HMBOX1: variants seen among roughly 807,000 people sequenced by gnomAD.
HMBOX1 encodes the protein homeobox containing 1, also known as homeobox-containing protein 1.
Under a neutral mutation model 54.5 loss-of-function variants are expected in HMBOX1, and 14 were observed. The observed-to-expected ratio is 0.26, with a 90% CI of 0.17 to 0.40. The LOEUF is 0.40. HMBOX1 is among the 10% of genes least tolerant of loss of function. HMBOX1 has a pLI of 1.00. For missense variants in HMBOX1, 332 were observed against 514.4 expected (o/e 0.65, Z 3.43); for synonymous variants, 160 against 181.0 (o/e 0.88, Z 0.93).
chr8:28,893,492 A>C (rs897091688), intron 1 of HMBOX1, among the ~76,000 whole-genome samples: 8 of 152,188 alleles, frequency 5.3e-5, no homozygotes, highest in African/African-American at 1.9e-4. Context: ...TTTAGTGAAC[A>C]CTATGTATGG....
intron 5 of HMBOX1, among the ~76,000 whole-genome samples, chr8:29,013,474 T>G (rs13439532): frequency 0.032 from 4,856 of 152,240 alleles, 243 homozygotes; most frequent in African/African-American, 0.11. Context: ...GATCCAGTTG[T>G]ATATGGCTTT....
rs76838690 is a variant in HMBOX1, at chr8:28,894,717, A to T, written c.-58+4039A>T. On this transcript the variant is annotated intron_variant, in intron 1 of 9. Transcript: ENST00000287701. ...CAAACATAATCCAGTGCTTTAGATA[A>T]TTTGTTTTCCTTGACCTTAGATGAA... is the stretch of plus-strand genomic sequence containing the variant. Among the ~76,000 whole-genome samples the T allele has an allele frequency of 2.2e-3, 340 of 152,244 alleles. 3 individuals are homozygous for T. The highest frequency in any genetic ancestry group is 7.4e-3 in the African/African-American group (308 of 41,538).
At chr8:29,024,124 T>G (rs1208238423) in intron 6 of HMBOX1, among the ~76,000 whole-genome samples, 1 of 152,200 alleles carries the variant, frequency 6.6e-6, no homozygotes, top group African/African-American at 2.4e-5. Flanking sequence ...TACCCTGAAA[T>G]GTACTCCCTC....
chr8:29,019,032 A>G, intron 6 of HMBOX1, 119 bp downstream of exon 6: 2 of 808,574 alleles, frequency 2.5e-6, no homozygotes, highest in Non-Finnish European at 3.9e-6. Flanking sequence ...CTATCTCTAA[A>G]AGTACTTTAG....
chr8:28,959,916 G>C (rs10099453), intron 1 of HMBOX1, among the ~76,000 whole-genome samples: 1 of 151,894 alleles, frequency 6.6e-6, no homozygotes. Context: ...GTTTTTAAAT[G>C]AATTGTCATG....
chr8:28,928,148 A>G (rs1248310255), intron 1 of HMBOX1, among the ~76,000 whole-genome samples: 2 of 151,938 alleles, frequency 1.3e-5, no homozygotes, highest in Non-Finnish European at 2.9e-5. Context: ...AAAAAAAAGA[A>G]CTACTACTAC....
At chr8:28,950,563 AATCTGAAG>A (rs1823234990) in intron 1 of HMBOX1, among the ~76,000 whole-genome samples, 1 of 152,246 alleles carries the variant, frequency 6.6e-6, no homozygotes, top group Non-Finnish European at 1.5e-5. Flanking sequence ...AATTTAAACG[AATCTGAAG>A]ATCTGAAGTC....
rs920457943 is a variant in HMBOX1, at chr8:29,050,094, G to A, written c.1126-924G>A. 3 of 241,478 alleles carry A rather than the reference G, an allele frequency of 1.2e-5. No individual in the cohort carries two copies. In the Admixed American group the frequency reaches 2.0e-4, roughly 16 times the overall value. The allele number at this position is 241,478 out of a possible 1,614,324, so 15.0% of individuals were successfully genotyped here. On this transcript the variant is annotated intron_variant, in intron 9 of 9. Transcript: ENST00000287701. ...AATATTCTGTAAGTCTTTCTGTTCG[G>A]AAACATTCCTCTTTTCAGTCTACCC...
At chr8:28,911,622 CT>C in intron 1 of HMBOX1, among the ~76,000 whole-genome samples, 1 of 152,238 alleles carries the variant, frequency 6.6e-6, no homozygotes, top group South Asian at 2.1e-4. Flanking sequence ...TCCCAAAATG[CT>C]GGGATTATAG....
intron 6 of HMBOX1, among the ~76,000 whole-genome samples, chr8:29,029,513 G>A (rs1802581405): frequency 6.6e-6 from 1 of 152,190 alleles, no homozygotes; most frequent in Admixed American, 6.5e-5. Flanking sequence ...CAGTCCAGGT[G>A]TAAGCTGAGA....
intron 1 of HMBOX1, among the ~76,000 whole-genome samples, chr8:28,930,293 A>G (rs1300186251): frequency 6.6e-6 from 1 of 152,134 alleles, no homozygotes; most frequent in African/African-American, 2.4e-5. Context: ...AGTTATCACT[A>G]TAGCCTTATA....
At chr8:28,947,759 C>A (rs954031147) in intron 1 of HMBOX1, among the ~76,000 whole-genome samples, 1 of 152,102 alleles carries the variant, frequency 6.6e-6, no homozygotes, top group Non-Finnish European at 1.5e-5. Context: ...CTCCTTTGAT[C>A]TGTCCCTCCT....
intron 1 of HMBOX1, among the ~76,000 whole-genome samples, chr8:28,912,413 C>T (rs867206925): frequency 4.6e-5 from 7 of 152,196 alleles, no homozygotes; most frequent in Admixed American, 2.6e-4. Context: ...CATCCAGATT[C>T]TGCCATGTTT....
chr8:28,929,445 G>A (rs1819090353), intron 1 of HMBOX1, among the ~76,000 whole-genome samples: 1 of 152,178 alleles, frequency 6.6e-6, no homozygotes, highest in African/African-American at 2.4e-5. Context: ...TGGCAGTGGT[G>A]ATGGCTATTG....
intron 1 of HMBOX1, among the ~76,000 whole-genome samples, chr8:28,892,505 T>A (rs2131468473): frequency 6.6e-6 from 1 of 152,310 alleles, no homozygotes; most frequent in South Asian, 2.1e-4. Flanking sequence ...TAATTTCTAT[T>A]TCGACTGTTG....
intron 1 of HMBOX1, chr8:28,955,952 A>AG (rs1360808067): frequency 2.5e-4 from 17 of 68,014 alleles, no homozygotes; most frequent in South Asian, 5.8e-4. Context: ...GACTCTGTCT[A>AG]GGAAAAAAAA....
chr8:28,987,258 T>C (rs914224772), intron 4 of HMBOX1, among the ~76,000 whole-genome samples: 8 of 152,228 alleles, frequency 5.3e-5, no homozygotes, highest in African/African-American at 1.9e-4. Flanking sequence ...TCTCCAGTTC[T>C]TGTTTCCTAA....
At chr8:28,945,094 A>G (rs1455557961) in intron 1 of HMBOX1, among the ~76,000 whole-genome samples, 1 of 152,198 alleles carries the variant, frequency 6.6e-6, no homozygotes, top group Admixed American at 6.5e-5. Flanking sequence ...ATTTTGTGTG[A>G]CTTTACCGTC....
chr8:28,904,673 C>T (rs1471647666), intron 1 of HMBOX1, among the ~76,000 whole-genome samples: 1 of 151,522 alleles, frequency 6.6e-6, no homozygotes, highest in Non-Finnish European at 1.5e-5. Context: ...AGAAACAACT[C>T]TTCACACTCT....
Sources: gnomAD v4.1 joint callset for allele counts (sites outside exome capture counted in the v4.1 genomes callset) on GRCh38, gnomAD v4.1.1 for gene constraint, MANE v1.5 for transcripts, NCBI Gene and HGNC (gene_info 2026-07-23, HGNC 2026-07-21) for gene names.